MAP3K15: variants seen among roughly 807,000 people sequenced by gnomAD.
MAP3K15 encodes MAPK/ERK kinase kinase 15.
MAP3K15 carries 124 observed loss-of-function variants against 99.5 expected under a neutral mutation model. The observed-to-expected ratio is 1.25, with a 90% CI of 1.08 to 1.45. MAP3K15 has a LOEUF of 1.45. MAP3K15 is among the 40% of genes most tolerant of loss of function. The probability of loss-of-function intolerance (pLI) is 0.00; values close to 1 mark genes in which losing one functional copy is unlikely to be tolerated. For synonymous variants in MAP3K15, 494 were observed against 439.6 expected (o/e 1.12, Z -1.55); for missense variants, 1,242 against 1,079.7 (o/e 1.15, Z -2.11).
At chrX:19,454,903 A>G (rs2064081171) in intron 6 of MAP3K15, among the ~76,000 whole-genome samples, 1 of 111,992 alleles carries the variant, frequency 8.9e-6, no homozygotes, top group Non-Finnish European at 1.9e-5. Context: ...TCCTTTGAGC[A>G]TCATGTTGGC....
intron 9 of MAP3K15, among the ~76,000 whole-genome samples, chrX:19,416,308 G>A (rs762518046): frequency 9.1e-6 from 1 of 110,105 alleles, no homozygotes; most frequent in Non-Finnish European, 1.9e-5. Context: ...TCCAGCCTGG[G>A]CAACAGAGCG....
At chrX:19,395,037 T>C (rs1374206418) in intron 16 of MAP3K15, 44 bp downstream of exon 16, 7 of 1,180,715 alleles carry the variant, frequency 5.9e-6, no homozygotes, top group Non-Finnish European at 6.8e-6. Flanking sequence ...ATCCACGTCG[T>C]AGTGATTTTC....
Position 19,447,883 on chromosome X carries a change from C to CAA in MAP3K15, c.995+9028_995+9029dup, listed in dbSNP as rs753152404. ...TGGGCGACAGAGCGAGACTCCGTCTCAAAAAAAAAAAAAAAAAAAAAAGAA... is the reference window on the plus strand; with the variant it reads ...TGGGCGACAGAGCGAGACTCCGTCTCAAAAAAAAAAAAAAAAAAAAAAAAGAA... On this transcript the variant is annotated intron_variant, in intron 6 of 28. Coordinates refer to ENST00000338883, the MANE Select transcript of MAP3K15 (RefSeq NM_001001671.4). Among the ~76,000 whole-genome samples, 14 of 25,912 alleles carry CAA rather than the reference C, an allele frequency of 5.4e-4. 1 individual carries two copies. Among genetic ancestry groups the CAA allele is most frequent in the South Asian group, 6.1e-3 (1 of 163 alleles). 22.5% of individuals were successfully genotyped at this position (25,912 alleles called of 115,157 possible).
intron 3 of MAP3K15, among the ~76,000 whole-genome samples, chrX:19,484,426 T>C (rs1209890576): frequency 4.5e-5 from 5 of 112,172 alleles, no homozygotes; most frequent in Non-Finnish European, 7.5e-5. Context: ...TCCCTGGTGA[T>C]GAAAAGGTTG....
intron 14 of MAP3K15, among the ~76,000 whole-genome samples, chrX:19,399,417 A>G (rs1477789513): frequency 1.8e-5 from 2 of 110,422 alleles, no homozygotes; most frequent in African/African-American, 6.6e-5. Context: ...ACAAAAAATT[A>G]GCCAGGCGTG....
rs970554696 is a variant in MAP3K15 at position 19,368,751 on chromosome X, G to A, written c.3566+303C>T. Among the ~76,000 whole-genome samples, 53 of 111,229 alleles carry A rather than the reference G, an allele frequency of 4.8e-4. 1 individual carries two copies. The highest frequency in any genetic ancestry group is 1.7e-3 in the African/African-American group (52 of 30,670). On this transcript the variant is annotated intron_variant, in intron 25 of 28. Coordinates refer to ENST00000338883, the MANE Select transcript of MAP3K15 (RefSeq NM_001001671.4). Reference sequence around the variant, plus strand: ...CAGGGGCCCCGTCTTGGTGAAAAGAGAGAAAGAATTCACAGATGCTGCTGC... The same window carrying A: ...CAGGGGCCCCGTCTTGGTGAAAAGAAAGAAAGAATTCACAGATGCTGCTGC...
At chrX:19,397,160 T>C (rs777845680) in intron 15 of MAP3K15, among the ~76,000 whole-genome samples, 1 of 110,976 alleles carries the variant, frequency 9.0e-6, no homozygotes, top group Admixed American at 9.6e-5. Context: ...CGCCTCAGCC[T>C]CCCAAAGTGC....
intron 3 of MAP3K15, among the ~76,000 whole-genome samples, chrX:19,484,493 A>G (rs1252916997): frequency 1.3e-4 from 15 of 112,056 alleles, no homozygotes; most frequent in Non-Finnish European, 9.4e-5. Context: ...ACCTAGGAAG[A>G]ATAGTGCCAA....
rs372478857 is a variant in MAP3K15 at position 19,431,410 on chromosome X, G to C, written c.1166+28C>G. The C allele has an allele frequency of 9.7e-5, 115 of 1,187,625 alleles. No individual in the cohort carries two copies. In the African/African-American group the frequency reaches 1.8e-3, roughly 18 times the overall value. On this transcript the variant is annotated intron_variant, in intron 7 of 28. Transcript: ENST00000338883. Reference sequence around the variant, plus strand: ...GATTCTGTTCCTTGAAGAGATGCAAGTGCTCATAACTCGGGCTGAGGGTTT... The same window carrying C: ...GATTCTGTTCCTTGAAGAGATGCAACTGCTCATAACTCGGGCTGAGGGTTT...
chrX:19,377,808 G>A (rs1053320917), intron 19 of MAP3K15, among the ~76,000 whole-genome samples: 35 of 112,153 alleles, frequency 3.1e-4, no homozygotes, highest in African/African-American at 8.1e-4. Flanking sequence ...AGGGTCCACC[G>A]CACACGGTCA....
At position 19,360,137 on chromosome X, in the gene MAP3K15, T is replaced by TAATC. The variant is rs892637509; in HGVS notation, c.*608_*611dup. On this transcript the variant is annotated 3_prime_UTR_variant, in exon 29 of 29. Transcript: ENST00000338883. ...GACTTTTGTAATCATTCCAATTTTG[T>TAATC]AATCATTTCAAAGGCCACATAACTT... The TAATC allele has an allele frequency of 5.8e-5, 9 of 155,612 alleles. No individual in the cohort carries two copies. Among genetic ancestry groups the TAATC allele is most frequent in the African/African-American group, 2.8e-4 (9 of 31,952 alleles). The allele number at this position is 155,612 out of a possible 1,213,427, so 12.8% of individuals were successfully genotyped here.
intron 15 of MAP3K15, among the ~76,000 whole-genome samples, chrX:19,397,214 A>G (rs1439932611): frequency 9.0e-6 from 1 of 111,259 alleles, no homozygotes; most frequent in Non-Finnish European, 1.9e-5. Flanking sequence ...AGAAACAAAC[A>G]TTTCTTAAAA....
chrX:19,503,678 C>T (rs2064455686), intron 1 of MAP3K15, among the ~76,000 whole-genome samples: 1 of 110,221 alleles, frequency 9.1e-6, no homozygotes, highest in Non-Finnish European at 1.9e-5. Flanking sequence ...CTGCCTGCCT[C>T]GGCCTCCCAA....
intron 19 of MAP3K15, among the ~76,000 whole-genome samples, chrX:19,378,877 C>T (rs969241847): frequency 9.0e-6 from 1 of 111,352 alleles, no homozygotes; most frequent in Non-Finnish European, 1.9e-5. Context: ...ATGGGCTGCC[C>T]TTCCTGTTAG....
rs368487480 is a variant in MAP3K15, at chrX:19,426,338, C to T, written c.1172G>A (p.Arg391His). The change falls in exon 8 of 29, where the codon CGC becomes CAC. Residue 391 changes from arginine to histidine, a missense_variant. Transcript: ENST00000338883. ...TSRDSAIEWY[R>H]KGFELQSSLY... is the part of the protein sequence containing the mutation. Reference sequence around the variant, plus strand: ...GGATGACTGGAGTTCAAACCCTTTGCGATACCTATAATTACAGAACCACCA... The same window carrying T: ...GGATGACTGGAGTTCAAACCCTTTGTGATACCTATAATTACAGAACCACCA... 50 of 1,071,165 alleles carry T rather than the reference C, an allele frequency of 4.7e-5. No individual in the cohort carries two copies. The highest frequency in any genetic ancestry group is 3.4e-4 in the African/African-American group (18 of 53,451). The allele number at this position is 1,071,165 out of a possible 1,213,427, so 88.3% of individuals were successfully genotyped here. A position where few individuals can be genotyped will look rare whatever the true frequency, so the allele number is the denominator to read the frequency against.
At chrX:19,423,757 A>G (rs1195872757) in intron 9 of MAP3K15, among the ~76,000 whole-genome samples, 1 of 111,633 alleles carries the variant, frequency 9.0e-6, no homozygotes, top group East Asian at 2.8e-4. Flanking sequence ...ATCTCTGTTT[A>G]TCTGGGACCT....
At chrX:19,399,337 T>C (rs1214086447) in intron 14 of MAP3K15, among the ~76,000 whole-genome samples, 1 of 101,854 alleles carries the variant, frequency 9.8e-6, no homozygotes, top group Non-Finnish European at 2.0e-5. Context: ...CCGAGGCGAG[T>C]AGACCACCTG....
intron 10 of MAP3K15, chrX:19,414,163 A>AT (rs1162861569): frequency 9.2e-6 from 1 of 108,537 alleles, no homozygotes; most frequent in Non-Finnish European, 1.9e-5. Context: ...AAAAAAAAAA[A>AT]AGAGGAGGGG....
intron 1 of MAP3K15, among the ~76,000 whole-genome samples, chrX:19,500,150 G>A: frequency 8.9e-6 from 1 of 111,983 alleles, no homozygotes; most frequent in Middle Eastern, 4.6e-3. Flanking sequence ...AGGAAGCTGA[G>A]GGAAGAGAAT....
Sources: allele counts gnomAD v4.1 joint callset (sites outside exome capture counted in the v4.1 genomes callset), GRCh38; gene constraint gnomAD v4.1.1; transcripts MANE v1.5; gene names NCBI Gene and HGNC (gene_info 2026-07-23, HGNC 2026-07-21).